The following UTRN variants were observed in gnomAD, a reference collection of about 807,000 sequenced individuals.
UTRN encodes utrophin, also known as dystrophin-related protein 1.
UTRN carries 283 observed loss-of-function variants against 463.9 expected under a neutral mutation model. The ratio of observed to expected loss-of-function variants is 0.61; its 90% CI spans 0.55 to 0.67. The LOEUF is 0.67. Among genes scored for constraint, UTRN ranks in the 30% least tolerant of loss-of-function variants. UTRN has a pLI of 0.00. For synonymous variants in UTRN, 1,442 were observed against 1,431.5 expected, an observed-to-expected ratio of 1.01 and a Z score of -0.17; for missense variants, 3,922 against 4,084.3, an observed-to-expected ratio of 0.96 and a Z score of 1.08.
At chr6:144,783,370 T>C (rs1776022492) in intron 61 of UTRN, among the ~76,000 whole-genome samples, 2 of 152,176 alleles carry the variant, frequency 1.3e-5, no homozygotes, top group Admixed American at 1.3e-4. Flanking sequence ...TGGTTCTGTA[T>C]AGGAAGTAAA....
At chr6:144,394,824 A>G (rs769302793) in intron 2 of UTRN, among the ~76,000 whole-genome samples, 2 of 152,142 alleles carry the variant, frequency 1.3e-5, no homozygotes, top group Non-Finnish European at 1.5e-5. Flanking sequence ...AAAATAATGA[A>G]ATAAATAAAG....
intron 34 of UTRN, among the ~76,000 whole-genome samples, chr6:144,508,964 A>G (rs929413079): frequency 6.6e-6 from 1 of 152,080 alleles, no homozygotes; most frequent in Admixed American, 6.6e-5. Context: ...ATGTTTAGCC[A>G]TGTTTTATAG....
chr6:144,726,706 A>G (rs114459450), intron 53 of UTRN, among the ~76,000 whole-genome samples: 9 of 152,328 alleles, frequency 5.9e-5, no homozygotes, highest in Admixed American at 2.6e-4. Context: ...GCTACATTCA[A>G]TAAGGTAGGT....
intron 74 of UTRN, 70 bp from the exon 75 acceptor site, chr6:144,850,919 A>AATT (rs1782440045): frequency 6.3e-7 from 1 of 1,596,520 alleles, no homozygotes; most frequent in Admixed American, 1.7e-5. Context: ...TTTCTTGAAG[A>AATT]ATTGACAGAT....
Position 144,493,468 on chromosome 6 carries a change from A to G in UTRN, c.4593+12A>G, listed in dbSNP as rs1793255194. 5 of 1,608,876 alleles carry G rather than the reference A, an allele frequency of 3.1e-6. No homozygotes were observed. The highest frequency in any genetic ancestry group is 2.7e-5 in the African/African-American group (2 of 74,824). On this transcript the variant is annotated intron_variant, in intron 33 of 74. Transcript: ENST00000367545. ...ACCTGGGCGCACAGGTGAGGAGAGC[A>G]GCCCCACAGCTCATCTCTCTGTCTC...
At chr6:144,656,121 A>T (rs1003169505) in intron 51 of UTRN, among the ~76,000 whole-genome samples, 2 of 152,124 alleles carry the variant, frequency 1.3e-5, no homozygotes, top group East Asian at 1.9e-4. Flanking sequence ...TTCAGTGTTG[A>T]TCTGATACAG....
chr6:144,539,260 C>T (rs1316936985), intron 44 of UTRN, 34 bp from the exon 45 acceptor site: 1 of 1,531,990 alleles, frequency 6.5e-7, no homozygotes, highest in South Asian at 1.3e-5. Context: ...TATCTGACTA[C>T]CTTCTAACCA....
At chr6:144,438,247 C>T (rs1455410511) in intron 11 of UTRN, among the ~76,000 whole-genome samples, 1 of 152,120 alleles carries the variant, frequency 6.6e-6, no homozygotes, top group Non-Finnish European at 1.5e-5. Context: ...GCCTGGGTAA[C>T]AAAGTGAGAC....
intron 2 of UTRN, among the ~76,000 whole-genome samples, chr6:144,375,585 C>G (rs1780380098): frequency 6.6e-6 from 1 of 152,010 alleles, no homozygotes; most frequent in African/African-American, 2.4e-5. Flanking sequence ...GGATATGTGG[C>G]CTTGTTTGAG....
intron 51 of UTRN, among the ~76,000 whole-genome samples, chr6:144,631,353 A>G (rs1359127335): frequency 6.6e-6 from 1 of 152,078 alleles, no homozygotes; most frequent in Non-Finnish European, 1.5e-5. Flanking sequence ...GGCCAACTCC[A>G]GCAATGCTGA....
At chr6:144,586,067 A>G (rs1802434482) in intron 51 of UTRN, among the ~76,000 whole-genome samples, 1 of 152,034 alleles carries the variant, frequency 6.6e-6, no homozygotes, top group South Asian at 2.1e-4. Flanking sequence ...CTTTTGTTAG[A>G]CTTTTCCCTC....
chr6:144,838,659 A>G (rs1011775195), intron 71 of UTRN, among the ~76,000 whole-genome samples: 1 of 152,118 alleles, frequency 6.6e-6, no homozygotes, highest in African/African-American at 2.4e-5. Context: ...TACCCTCCCC[A>G]TTTTACAAAT....
chr6:144,401,361 T>TGTG (rs953921756), intron 2 of UTRN, among the ~76,000 whole-genome samples: 2 of 152,186 alleles, frequency 1.3e-5, no homozygotes, highest in African/African-American at 4.8e-5. Context: ...CAGGTTGATG[T>TGTG]GTGGTGGTAG....
chr6:144,298,864 C>T (rs1168563020), intron 2 of UTRN, among the ~76,000 whole-genome samples: 2 of 152,172 alleles, frequency 1.3e-5, no homozygotes, highest in African/African-American at 4.8e-5. Flanking sequence ...ATTAACACAT[C>T]TGTATAATTT....
intron 2 of UTRN, among the ~76,000 whole-genome samples, chr6:144,304,895 G>A (rs927012224): frequency 2.0e-5 from 3 of 151,110 alleles, no homozygotes; most frequent in Admixed American, 6.6e-5. Context: ...AGATATGCTC[G>A]TGCCCTCATT....
chr6:144,475,519 T>A (rs1299158994), intron 25 of UTRN, among the ~76,000 whole-genome samples: 1 of 152,232 alleles, frequency 6.6e-6, no homozygotes. Context: ...ACTTGGGATT[T>A]ATTTCAAGTA....
chr6:144,516,218 T>C lies in UTRN; in HGVS notation c.5245-11T>C. On this transcript the variant is annotated splice_polypyrimidine_tract_variant and intron_variant, in intron 37 of 74. Transcript: ENST00000367545. ...AAAATCTATTTTCAGAGAATTCTTT[T>C]CCTTCTACAGTTGCTAATTGCTCAG... The C allele has an allele frequency of 6.2e-7, 1 of 1,607,042 alleles. No homozygotes were observed. Among genetic ancestry groups the C allele is most frequent in the South Asian group, 1.1e-5 (1 of 88,780 alleles).
At chr6:144,592,923 A>C (rs1330744984) in intron 51 of UTRN, among the ~76,000 whole-genome samples, 1 of 152,248 alleles carries the variant, frequency 6.6e-6, no homozygotes, top group Non-Finnish European at 1.5e-5. Context: ...TGAATTTCAG[A>C]TACTGAGAAC....
intron 34 of UTRN, among the ~76,000 whole-genome samples, chr6:144,508,691 C>T (rs1794910799): frequency 6.6e-6 from 1 of 152,040 alleles, no homozygotes; most frequent in Admixed American, 6.6e-5. Flanking sequence ...TTGCCAGCCA[C>T]CTCCTCTGCT....
Sources: gnomAD v4.1 joint callset for allele counts (sites outside exome capture counted in the v4.1 genomes callset) on GRCh38, gnomAD v4.1.1 for gene constraint, MANE v1.5 for transcripts, NCBI Gene and HGNC (gene_info 2026-07-23, HGNC 2026-07-21) for gene names.